KIF23: variants seen among roughly 807,000 people sequenced by gnomAD.
KIF23 encodes the protein kinesin family member 23, also known as kinesin-like protein KIF23.
A neutral mutation model predicts 137.5 loss-of-function variants in KIF23; 30 were observed. The observed-to-expected ratio is 0.22, with a 90% CI of 0.16 to 0.30. KIF23 has a LOEUF of 0.30. Among genes scored for constraint, KIF23 ranks in the 10% least tolerant of loss-of-function variants. The pLI, the probability that KIF23 is intolerant of heterozygous loss-of-function variation, is 1.00. For synonymous variants in KIF23, 367 were observed against 391.1 expected (o/e 0.94, Z 0.73); for missense variants, 920 against 1,194.3 (o/e 0.77, Z 3.38).
At chr15:69,426,818 G>T (rs1311624470) in intron 10 of KIF23, among the ~76,000 whole-genome samples, 1 of 152,206 alleles carries the variant, frequency 6.6e-6, no homozygotes, top group African/African-American at 2.4e-5. Flanking sequence ...TACATCTATA[G>T]ATTCAACCAA....
intron 15 of KIF23, among the ~76,000 whole-genome samples, chr15:69,437,530 G>A (rs554015811): frequency 1.7e-4 from 24 of 145,278 alleles, no homozygotes; most frequent in East Asian, 6.1e-4. Flanking sequence ...GCGCAATCTC[G>A]GCTCACTGCA....
intron 3 of KIF23, among the ~76,000 whole-genome samples, chr15:69,418,405 A>T (rs976058839): frequency 2.6e-5 from 4 of 152,106 alleles, no homozygotes; most frequent in African/African-American, 4.8e-5. Context: ...TACATGCCCA[A>T]AAAGGAGTTC....
At chr15:69,445,937 T>G (rs2057731258) in intron 20 of KIF23, 72 bp from the exon 21 acceptor site, 2 of 1,076,798 alleles carry the variant, frequency 1.9e-6, no homozygotes, top group Admixed American at 3.9e-5. Flanking sequence ...ATGAGAACAG[T>G]TTGAAATATA....
chr15:69,422,076 G>A lies in KIF23; in HGVS notation c.401G>A (p.Arg134His), dbSNP rs372849416. 50 of 1,613,902 alleles carry A rather than the reference G, an allele frequency of 3.1e-5. No homozygotes were observed. The highest frequency in any genetic ancestry group is 6.7e-5 in the East Asian group (3 of 44,882). Residue 134 changes from arginine to histidine, a missense_variant, in exon 5 of 24, where the codon CGT (arginine) becomes CAT (histidine). By Grantham distance (29) the Arg-to-His change is conservative. Transcript: ENST00000679126. ...GSPGEGGLLP[R>H]CLDMIFNSIG... is the part of the protein sequence containing the mutation. ...CCAGGGGAAGGAGGGCTGCTTCCTC[G>A]TTGTTTGGACATGATCTTTAACAGT... is the stretch of plus-strand genomic sequence containing the variant.
intron 7 of KIF23, among the ~76,000 whole-genome samples, chr15:69,424,228 A>AT (rs1462723208): frequency 6.6e-6 from 1 of 152,214 alleles, no homozygotes; most frequent in Non-Finnish European, 1.5e-5. Context: ...AGTGAGTCAC[A>AT]TTTTGATACA....
chr15:69,437,773 A>C (rs2057519161), intron 15 of KIF23, among the ~76,000 whole-genome samples: 1 of 152,094 alleles, frequency 6.6e-6, no homozygotes, highest in African/African-American at 2.4e-5. Flanking sequence ...TATTTTTATT[A>C]TCATTATTCA....
chr15:69,438,193 A>G (rs2057527698), intron 15 of KIF23, 55 bp from the exon 16 acceptor site: 3 of 1,467,592 alleles, frequency 2.0e-6, no homozygotes, highest in African/African-American at 1.4e-5. Context: ...AAAAGTTGAT[A>G]TCATTGTTTG....
At chr15:69,422,523 T>A in intron 6 of KIF23, 88 bp downstream of exon 6, 3 of 741,780 alleles carry the variant, frequency 4.0e-6, no homozygotes, top group Non-Finnish European at 7.1e-6. Context: ...TGGTGAACAT[T>A]AAATAGAGAA....
intron 11 of KIF23, chr15:69,435,049 C>T: frequency 3.8e-6 from 2 of 530,466 alleles, no homozygotes; most frequent in Non-Finnish European, 6.7e-6. Flanking sequence ...CCCCATAGTT[C>T]CTCCCCACAC....
chr15:69,429,299 C>A, intron 11 of KIF23, 86 bp downstream of exon 11: 1 of 888,690 alleles, frequency 1.1e-6, no homozygotes. Flanking sequence ...ATGGGTGGTT[C>A]TTTGTTTTTT....
At chr15:69,430,015 A>AAACAACAAC (rs59172618) in intron 11 of KIF23, among the ~76,000 whole-genome samples, 1 of 150,986 alleles carries the variant, frequency 6.6e-6, no homozygotes, top group Non-Finnish European at 1.5e-5. Context: ...CCTGTCTCAA[A>AAACAACAAC]AACAACAACA....
At chr15:69,420,285 A>G (rs540685538) in intron 3 of KIF23, among the ~76,000 whole-genome samples, 1 of 152,162 alleles carries the variant, frequency 6.6e-6, no homozygotes, top group South Asian at 2.1e-4. Flanking sequence ...GAAGAAAACA[A>G]AAACATTGCA....
chr15:69,428,027 G>T (rs1311245503), intron 10 of KIF23, among the ~76,000 whole-genome samples: 1 of 152,194 alleles, frequency 6.6e-6, no homozygotes, highest in Non-Finnish European at 1.5e-5. Context: ...GGGAGGCCAA[G>T]ACGGGTGGAT....
intron 7 of KIF23, among the ~76,000 whole-genome samples, chr15:69,424,683 A>C (rs1193811424): frequency 6.6e-6 from 1 of 152,082 alleles, no homozygotes; most frequent in East Asian, 1.9e-4. Context: ...TTTCTTGTAG[A>C]GATAGGAGTG....
chr15:69,417,023 TC>T (rs1270743349), intron 2 of KIF23, among the ~76,000 whole-genome samples: 1 of 152,162 alleles, frequency 6.6e-6, no homozygotes, highest in Non-Finnish European at 1.5e-5. Context: ...TAAATTGACA[TC>T]CATTTCCAAG....
chr15:69,432,306 G>C (rs1352999372), intron 11 of KIF23, among the ~76,000 whole-genome samples: 1 of 152,202 alleles, frequency 6.6e-6, no homozygotes, highest in Admixed American at 6.5e-5. Flanking sequence ...GGTTTGGGCT[G>C]TCAGCTGTAA....
chr15:69,443,546 C>T (rs1458234082), intron 19 of KIF23: 2 of 151,580 alleles, frequency 1.3e-5, no homozygotes, highest in African/African-American at 4.8e-5. Flanking sequence ...CTTACATTGC[C>T]TAAGCTGGTC....
rs181066969 is a variant in KIF23, at chr15:69,440,905, G to A, written c.2247G>A (p.Thr749=). ...CISEWEQKIP[T]YNTPLKVTSI... is the part of the protein sequence containing the mutation. Reference sequence around the variant, plus strand: ...CGGAATGGGAGCAGAAAATTCCTACGTACAACACACCTCTCAAAGTCACAT... The same window carrying A: ...CGGAATGGGAGCAGAAAATTCCTACATACAACACACCTCTCAAAGTCACAT... The change falls in exon 19 of 24, where the codon ACG becomes ACA. Residue 749 remains threonine (T), a synonymous_variant. Coordinates refer to ENST00000679126, the MANE Select transcript of KIF23 (RefSeq NM_001367805.3). 1.3e-5 allele frequency: 21 copies of A among 1,614,078 alleles called. No homozygotes were observed. The highest frequency in any genetic ancestry group is 1.0e-4 in the Admixed American group (6 of 60,012).
intron 11 of KIF23, 106 bp downstream of exon 11, chr15:69,429,319 T>G: frequency 1.3e-6 from 1 of 755,070 alleles, no homozygotes; most frequent in Middle Eastern, 2.4e-4. Context: ...TAATTTTTAT[T>G]TTATTGAGAC....
Sources: gnomAD v4.1 joint callset for allele counts (sites outside exome capture counted in the v4.1 genomes callset) on GRCh38, gnomAD v4.1.1 for gene constraint, MANE v1.5 for transcripts, NCBI Gene and HGNC (gene_info 2026-07-23, HGNC 2026-07-21) for gene names.